PCDHA3: variants seen among roughly 807,000 people sequenced by gnomAD.
PCDHA3 encodes protocadherin alpha-3.
A neutral mutation model predicts 62.2 loss-of-function variants in PCDHA3; 41 were observed. The observed-to-expected ratio is 0.66, with a 90% CI of 0.51 to 0.86. PCDHA3 has a LOEUF of 0.86. Among genes scored for constraint, PCDHA3 ranks in the 40% least tolerant of loss-of-function variants. PCDHA3 has a pLI of 0.00. For missense variants in PCDHA3, 1,304 were observed against 1,241.2 expected (o/e 1.05, Z -0.76); for synonymous variants, 640 against 555.4 (o/e 1.15, Z -2.14).
chr5:140,805,220 T>G, intron 1 of PCDHA3: 1 of 1,410,166 alleles, frequency 7.1e-7, no homozygotes, highest in Non-Finnish European at 9.2e-7. Context: ...CATTGTTTTC[T>G]ATTCTGCTGC....
Position 140,887,790 on chromosome 5 carries a change from T to C in PCDHA3, c.2394+84199T>C, listed in dbSNP as rs564215639. On this transcript the variant is annotated intron_variant, in intron 1 of 3. Coordinates refer to ENST00000522353, the MANE Select transcript of PCDHA3 (RefSeq NM_018906.3). ...ACAATGACACAGGTCATTGAAGCGT[T>C]CTTTATTTTTGTCCATTTCTTTCTC... Among the ~76,000 whole-genome samples, 4 of 152,288 alleles carry C rather than the reference T, an allele frequency of 2.6e-5. No individual in the cohort carries two copies. The East Asian group carries it at 7.7e-4, about 29-fold the overall frequency.
chr5:140,824,150 C>A (rs147799360), intron 1 of PCDHA3: 1 of 1,611,190 alleles, frequency 6.2e-7, no homozygotes, highest in African/African-American at 1.3e-5. Flanking sequence ...ATATTAACAT[C>A]CATCTTTCCC....
intron 1 of PCDHA3, among the ~76,000 whole-genome samples, chr5:140,951,868 G>A (rs1325001328): frequency 2.6e-5 from 4 of 152,132 alleles, no homozygotes; most frequent in African/African-American, 9.7e-5. Flanking sequence ...AGTCTCATCT[G>A]AGACAAGGCA....
rs782157769 is a variant in PCDHA3, at chr5:140,877,409, G to T, written c.2394+73818G>T. On this transcript the variant is annotated intron_variant, in intron 1 of 3. Coordinates refer to ENST00000522353, the MANE Select transcript of PCDHA3 (RefSeq NM_018906.3). ...GATGAGGCGGACGCTCCGCGCCACC[G>T]CCTGCTGGTGCTGGTGAAGGACCAC... 11 of 1,613,802 alleles carry T rather than the reference G, an allele frequency of 6.8e-6. No homozygotes were observed. The African/African-American group carries it at 1.3e-4, about 20-fold the overall frequency.
At chr5:140,931,962 A>G (rs1439185046) in intron 1 of PCDHA3, among the ~76,000 whole-genome samples, 1 of 151,924 alleles carries the variant, frequency 6.6e-6, no homozygotes, top group Non-Finnish European at 1.5e-5. Context: ...AATCATGTTG[A>G]TGCATATGTG....
Position 140,880,816 on chromosome 5 carries a change from G to A in PCDHA3, c.2394+77225G>A, listed in dbSNP as rs3806840. On this transcript the variant is annotated intron_variant, in intron 1 of 3. Transcript: ENST00000522353. ...ATAAATAGGTGAATGACTCTAGAGTGTCTGGAAGGGCATATTTTAAATGGT... is the reference window on the plus strand; with the variant it reads ...ATAAATAGGTGAATGACTCTAGAGTATCTGGAAGGGCATATTTTAAATGGT... Among the ~76,000 whole-genome samples the A allele has an allele frequency of 9.8e-5, 15 of 152,318 alleles. No individual in the cohort carries two copies. In the East Asian group the frequency reaches 2.9e-3, roughly 29 times the overall value.
intron 1 of PCDHA3, among the ~76,000 whole-genome samples, chr5:140,911,947 G>C (rs559007219): frequency 6.6e-6 from 1 of 152,144 alleles, no homozygotes; most frequent in African/African-American, 2.4e-5. Context: ...TATATATAAA[G>C]GGGAGGTTAC....
At chr5:140,944,596 G>A (rs2093672992) in intron 1 of PCDHA3, among the ~76,000 whole-genome samples, 1 of 152,138 alleles carries the variant, frequency 6.6e-6, no homozygotes, top group Admixed American at 6.5e-5. Context: ...ATTTCCCTGG[G>A]TAGAGTAGTG....
In PCDHA3 at chr5:140,803,109, G is replaced by C; in HGVS notation, c.1912G>C (p.Asp638His). 6.2e-7 allele frequency: 1 copy of C among 1,613,838 alleles called. No homozygotes were observed. Among genetic ancestry groups the C allele is most frequent in the African/African-American group, 1.3e-5 (1 of 75,064 alleles). The change falls in exon 1 of 4, where the codon GAC (aspartate) becomes CAC (histidine). Residue 638 changes from aspartate to histidine, a missense_variant. Physicochemically the swap from Asp to His is moderately conservative, Grantham distance 81. Coordinates refer to ENST00000522353, the MANE Select transcript of PCDHA3 (RefSeq NM_018906.3). Reference protein sequence around the residue: ...TGEISTTRALDEVDAPRHRLL... With the variant: ...TGEISTTRALHEVDAPRHRLL... ...AGAGATCAGCACGACCCGTGCCCTG[G>C]ACGAGGTGGACGCCCCGCGCCATCG... is the stretch of plus-strand genomic sequence containing the variant.
chr5:140,849,126 T>C, intron 1 of PCDHA3: 1 of 1,386,260 alleles, frequency 7.2e-7, no homozygotes, highest in East Asian at 2.4e-5. Flanking sequence ...GCTTCATTTA[T>C]TGCTCACGGC....
rs185275722 is a variant in PCDHA3 at position 140,880,200 on chromosome 5, G to A, written c.2394+76609G>A. Among the ~76,000 whole-genome samples the A allele has an allele frequency of 2.9e-3, 441 of 152,242 alleles. 2 individuals are homozygous for A. The highest frequency in any genetic ancestry group is 9.7e-3 in the African/African-American group (402 of 41,548). ...TGAAGGGAAAAAGATAAACAGAAGA[G>A]GTTTTCCACCAGAAGTAGAACATTT... is the stretch of plus-strand genomic sequence containing the variant. On this transcript the variant is annotated intron_variant, in intron 1 of 3. Coordinates refer to ENST00000522353, the MANE Select transcript of PCDHA3 (RefSeq NM_018906.3).
chr5:140,828,505 A>T (rs2150156185), intron 1 of PCDHA3: 1 of 1,614,210 alleles, frequency 6.2e-7, no homozygotes, highest in South Asian at 1.1e-5. Flanking sequence ...TAGAGGAACA[A>T]AGAGTGCTGA....
chr5:140,875,556 C>T (rs781896642), intron 1 of PCDHA3: 4 of 1,614,128 alleles, frequency 2.5e-6, no homozygotes, highest in South Asian at 2.2e-5. Context: ...AGGTGGGGAG[C>T]GGCCAGCTCC....
chr5:140,893,795 C>T (rs1030354295), intron 1 of PCDHA3, among the ~76,000 whole-genome samples: 34 of 152,002 alleles, frequency 2.2e-4, no homozygotes, highest in African/African-American at 7.7e-4. Context: ...TTAGAATTCC[C>T]TCCTTGTCTT....
chr5:140,869,103 G>A, intron 1 of PCDHA3: 1 of 1,600,312 alleles, frequency 6.2e-7, no homozygotes, highest in Non-Finnish European at 8.5e-7. Context: ...TTTCGTATGC[G>A]ATGTTTGGTT....
chr5:140,809,572 G>T, intron 1 of PCDHA3: 1 of 1,597,278 alleles, frequency 6.3e-7, no homozygotes, highest in Non-Finnish European at 8.5e-7. Flanking sequence ...CCTTTGCAAA[G>T]GTTAGTGTAT....
chr5:140,923,171 G>T (rs1236853762), intron 1 of PCDHA3, among the ~76,000 whole-genome samples: 1 of 152,112 alleles, frequency 6.6e-6, no homozygotes, highest in Non-Finnish European at 1.5e-5. Flanking sequence ...ATAAATTTTT[G>T]TTCAGATGCA....
At chr5:140,884,344 G>C in intron 1 of PCDHA3, 1 of 1,613,904 alleles carries the variant, frequency 6.2e-7, no homozygotes, top group Non-Finnish European at 8.5e-7. Context: ...CAGAAGCGGC[G>C]CTGGTGGATG....
At chr5:140,929,195 G>GT in intron 1 of PCDHA3, 2 of 1,614,140 alleles carry the variant, frequency 1.2e-6, no homozygotes, top group Non-Finnish European at 1.7e-6. Context: ...GATAATAACA[G>GT]TTTGCTGTTG....
Sources: gnomAD v4.1 joint callset for allele counts (sites outside exome capture counted in the v4.1 genomes callset) on GRCh38, gnomAD v4.1.1 for gene constraint, MANE v1.5 for transcripts, NCBI Gene and HGNC (gene_info 2026-07-23, HGNC 2026-07-21) for gene names.